The following ME3 variants were observed in gnomAD, a reference collection of about 807,000 sequenced individuals.
ME3 encodes the protein NADP-dependent malic enzyme, mitochondrial.
In ME3, 48 loss-of-function variants were observed where a neutral mutation model predicts 68.9. The ratio of observed to expected loss-of-function variants is 0.70; its 90% CI spans 0.55 to 0.89. ME3 has a LOEUF of 0.89. Among genes scored for constraint, ME3 ranks in the 40% least tolerant of loss-of-function variants. ME3 has a pLI of 0.00. For synonymous variants in ME3, 320 were observed against 318.8 expected, an observed-to-expected ratio of 1.00 and a Z score of -0.04; for missense variants, 675 against 797.4, an observed-to-expected ratio of 0.85 and a Z score of 1.85.
chr11:86,440,240 A>G (rs1948931216), downstream of ME3, among the ~76,000 whole-genome samples: 1 of 152,196 alleles, frequency 6.6e-6, no homozygotes, highest in African/African-American at 2.4e-5. Flanking sequence ...CCATCTCCAC[A>G]TGTCTTAACA....
rs549690513 is a variant in ME3, at chr11:86,546,790, A to G, written c.467+9763T>C. Among the ~76,000 whole-genome samples, 5 of 152,328 alleles carry G rather than the reference A, an allele frequency of 3.3e-5. No individual in the cohort carries two copies. The East Asian group carries it at 7.7e-4, about 23-fold the overall frequency. ...TCGAAGATGTAGAACCAGAAATACA[A>G]TTTGACCCAGCAATCCCATTACTGG... is the stretch of plus-strand genomic sequence containing the variant. On this transcript the variant is annotated intron_variant, in intron 4 of 14. Coordinates refer to ENST00000543262, the Ensembl canonical transcript of ME3.
chr11:86,653,444 C>T (rs1945617963), intron 2 of ME3, among the ~76,000 whole-genome samples: 1 of 152,204 alleles, frequency 6.6e-6, no homozygotes, highest in African/African-American at 2.4e-5. Flanking sequence ...AAGAAACTCT[C>T]TCAAAACTGC....
At chr11:86,553,734 G>A (rs115127167) in intron 4 of ME3, among the ~76,000 whole-genome samples, 228 of 152,290 alleles carry the variant, frequency 1.5e-3, no homozygotes, top group African/African-American at 5.4e-3. Flanking sequence ...GCAGGCCCCC[G>A]GACCCTGCTG....
rs566113540 is a variant in ME3 at position 86,468,044 on chromosome 11, T to G, written c.810-2844A>C. ...ATCCCCTGGCTGCTTTCTGGACCTT[T>G]TATTCCCAGGAACTACTCCTACTCT... On this transcript the variant is annotated intron_variant, in intron 7 of 14. Transcript: ENST00000543262. 2.6e-5 allele frequency among the ~76,000 whole-genome samples: 4 copies of G among 152,222 alleles called. No individual in the cohort carries two copies. The South Asian group carries it at 8.3e-4, about 32-fold the overall frequency.
downstream of ME3, among the ~76,000 whole-genome samples, chr11:86,438,186 T>C (rs1472232927): frequency 6.6e-6 from 1 of 152,220 alleles, no homozygotes; most frequent in East Asian, 1.9e-4. Context: ...TTTTCATAAA[T>C]GGGCGTTGGT....
At chr11:86,619,077 A>G (rs982612117) in intron 2 of ME3, among the ~76,000 whole-genome samples, 3 of 152,142 alleles carry the variant, frequency 2.0e-5, no homozygotes, top group Non-Finnish European at 2.9e-5. Context: ...TGCTTATGCC[A>G]TGTTATGTGT....
chr11:86,647,813 CTT>C (rs1304746051), intron 2 of ME3, among the ~76,000 whole-genome samples: 7 of 152,136 alleles, frequency 4.6e-5, no homozygotes, highest in African/African-American at 1.7e-4. Flanking sequence ...TAGTGGGAGA[CTT>C]TAACACCCCA....
intron 4 of ME3, among the ~76,000 whole-genome samples, chr11:86,547,683 C>G (rs573181829): frequency 6.6e-6 from 1 of 152,220 alleles, no homozygotes; most frequent in East Asian, 1.9e-4. Flanking sequence ...TAAGAAGCCA[C>G]TCTTTTTAGA....
intron 2 of ME3, among the ~76,000 whole-genome samples, chr11:86,574,406 G>A (rs1479851528): frequency 6.7e-6 from 1 of 148,862 alleles, no homozygotes; most frequent in Non-Finnish European, 1.5e-5. Context: ...CCGGGGGGGG[G>A]GGGGGTGTCT....
At chr11:86,552,522 C>T (rs575088448) in intron 4 of ME3, among the ~76,000 whole-genome samples, 12 of 152,296 alleles carry the variant, frequency 7.9e-5, no homozygotes, top group African/African-American at 2.6e-4. Flanking sequence ...GGTCCGCCTT[C>T]AGCAATAATC....
At chr11:86,450,391 G>C (rs1234938002) in exon 9 of ME3, 14 of 1,613,668 alleles carry the variant, frequency 8.7e-6, no homozygotes, top group Non-Finnish European at 1.2e-5. Flanking sequence ...CAGCAACGGA[G>C]GCTGTGCCTG....
At chr11:86,477,291 A>G (rs975684282) in intron 7 of ME3, among the ~76,000 whole-genome samples, 22 of 152,182 alleles carry the variant, frequency 1.4e-4, no homozygotes, top group African/African-American at 5.1e-4. Context: ...GGTCTTAATC[A>G]GGCTCCCCTT....
intron 4 of ME3, among the ~76,000 whole-genome samples, chr11:86,541,379 C>G (rs371126286): frequency 2.4e-4 from 37 of 152,334 alleles, no homozygotes; most frequent in African/African-American, 8.7e-4. Context: ...CAGAGCCCAG[C>G]AAGCTAAGAT....
At chr11:86,549,075 G>C (rs1412301566) in intron 4 of ME3, among the ~76,000 whole-genome samples, 2 of 152,232 alleles carry the variant, frequency 1.3e-5, no homozygotes, top group Non-Finnish European at 2.9e-5. Flanking sequence ...TGATTTTAAT[G>C]CTCACTAAAG....
intron 4 of ME3, among the ~76,000 whole-genome samples, chr11:86,526,156 G>C (rs909111627): frequency 5.9e-5 from 9 of 152,150 alleles, no homozygotes; most frequent in Non-Finnish European, 1.5e-5. Flanking sequence ...TGGAAAATCG[G>C]GTCACTCCCA....
At chr11:86,595,781 A>T (rs1959343151) in intron 2 of ME3, among the ~76,000 whole-genome samples, 1 of 152,244 alleles carries the variant, frequency 6.6e-6, no homozygotes, top group South Asian at 2.1e-4. Context: ...AGGCTGGCAC[A>T]GGGTGCAGTG....
chr11:86,515,540 G>C (rs1953835976), intron 4 of ME3, among the ~76,000 whole-genome samples: 1 of 152,180 alleles, frequency 6.6e-6, no homozygotes, highest in Non-Finnish European at 1.5e-5. Flanking sequence ...TTACGGGAAT[G>C]ACTGTGAGAA....
chr11:86,560,548 C>T (rs1236078034), intron 2 of ME3, among the ~76,000 whole-genome samples: 2 of 151,744 alleles, frequency 1.3e-5, no homozygotes, highest in Admixed American at 1.3e-4. Context: ...CAGCCAGTGT[C>T]CCGATTATTA....
intron 2 of ME3, among the ~76,000 whole-genome samples, chr11:86,652,066 C>G (rs1461009711): frequency 6.6e-6 from 1 of 152,172 alleles, no homozygotes; most frequent in African/African-American, 2.4e-5. Context: ...AAGAAATGAA[C>G]AAACCCTCCA....
Sources: gnomAD v4.1 joint callset for allele counts (sites outside exome capture counted in the v4.1 genomes callset) on GRCh38, gnomAD v4.1.1 for gene constraint, MANE v1.5 for transcripts, NCBI Gene and HGNC (gene_info 2026-07-23, HGNC 2026-07-21) for gene names.